Variants in ANKFY1 observed in about 807,000 individuals in gnomAD.
ANKFY1 encodes ankyrin repeat and FYVE domain containing 1, also known as ankyrin repeat and FYVE domain-containing protein 1.
In ANKFY1, 47 loss-of-function variants were observed where a neutral mutation model predicts 128.3. The ratio of observed to expected loss-of-function variants is 0.37; its 90% confidence interval spans 0.29 to 0.47. The LOEUF is 0.47. Among genes scored for constraint, ANKFY1 ranks in the 20% least tolerant of loss-of-function variants. The pLI is 1.00. For missense variants in ANKFY1, 1,222 were observed against 1,510.6 expected, an observed-to-expected ratio of 0.81 and a Z score of 3.17; for synonymous variants, 553 against 601.6, an observed-to-expected ratio of 0.92 and a Z score of 1.18.
chr17:4,207,520 G>A (rs1041758051), intron 6 of ANKFY1, among the ~76,000 whole-genome samples: 1 of 152,174 alleles, frequency 6.6e-6, no homozygotes. Context: ...AGCACAGCCT[G>A]CCGACATCCT....
At chr17:4,237,409 GAAC>G (rs1966960007) in intron 2 of ANKFY1, among the ~76,000 whole-genome samples, 1 of 152,086 alleles carries the variant, frequency 6.6e-6, no homozygotes, top group South Asian at 2.1e-4. Context: ...ATGCAAAACA[GAAC>G]ATCAAACTGT....
intron 1 of ANKFY1, among the ~76,000 whole-genome samples, chr17:4,258,771 A>G (rs571274152): frequency 6.6e-6 from 1 of 152,314 alleles, no homozygotes; most frequent in East Asian, 1.9e-4. Context: ...AAATTTAAGT[A>G]GCCACATGTG....
Position 4,194,979 on chromosome 17 carries a change from T to C in ANKFY1, c.1371A>G (p.Thr457=). 6.2e-7 allele frequency: 1 copy of C among 1,614,232 alleles called. No homozygotes were observed. Among genetic ancestry groups the C allele is most frequent in the Non-Finnish European group, 8.5e-7 (1 of 1,180,052 alleles). The change falls in exon 10 of 25, where the codon ACA becomes ACG. Residue 457 remains threonine, a splice_region_variant and synonymous_variant. Transcript: ENST00000341657. The part of the protein sequence containing the change: ...GSHTDAPDTA[T]GNCLLQRAAG... ...CCCTTCGGGAGGCACGTGCTTTACC[T>C]GTCGCCGTGTCAGGTGCGTCTGTGT...
chr17:4,189,952 T>C (rs546392804), intron 10 of ANKFY1, among the ~76,000 whole-genome samples: 3 of 152,268 alleles, frequency 2.0e-5, no homozygotes, highest in Non-Finnish European at 2.9e-5. Context: ...ATCCAATTCC[T>C]CCCTGGGATT....
intron 3 of ANKFY1, among the ~76,000 whole-genome samples, chr17:4,221,835 T>A (rs1273051186): frequency 1.3e-5 from 2 of 152,160 alleles, no homozygotes; most frequent in Non-Finnish European, 2.9e-5. Context: ...CAGGCTGGTC[T>A]GGAACTCCTG....
In ANKFY1 at chr17:4,167,897, C is replaced by T. The variant is rs763606938; in HGVS notation, c.3392G>A (p.Arg1131His). ...GGTCGAGCATTTATGGCAAAGAAGA[C>T]GTCCGCAGTGACGACTGTGGAAGCA... ...TRKHHCRHCG[R>H]LLCHKCSTKE... Residue 1131 changes from arginine (R) to histidine (H), a missense_variant, in exon 25 of 25, where the codon CGT (arginine) becomes CAT (histidine). Transcript: ENST00000341657. The surrounding 1 kb of genome is among the most constrained non-coding windows in gnomAD (Gnocchi z 4.1). 1 of 1,613,464 alleles carries T rather than the reference C, an allele frequency of 6.2e-7. No individual in the cohort carries two copies. The highest frequency in any genetic ancestry group is 8.5e-7 in the Non-Finnish European group (1 of 1,179,662).
chr17:4,251,191 A>G (rs1198410885), intron 1 of ANKFY1, among the ~76,000 whole-genome samples: 1 of 152,244 alleles, frequency 6.6e-6, no homozygotes, highest in Non-Finnish European at 1.5e-5. Flanking sequence ...CAATGGGACC[A>G]GAACAATTGG....
In ANKFY1 at chr17:4,173,351, C is replaced by T. The variant is rs779389097; in HGVS notation, c.3014+3G>A. 2 of 1,613,990 alleles carry T rather than the reference C, an allele frequency of 1.2e-6. No individual in the cohort carries two copies. The highest frequency in any genetic ancestry group is 1.1e-5 in the South Asian group (1 of 91,070). On this transcript the variant is annotated splice_donor_region_variant and intron_variant, in intron 21 of 24. Transcript: ENST00000341657. ...GGGGCCTACTCGGGCCCAACGCGCT[C>T]ACCTGAGATTAAAGGCTTCGGCGTC...
Position 4,165,300 on chromosome 17 carries a change from A to G in ANKFY1, c.*2479T>C, listed in dbSNP as rs1193643650. 6.6e-6 allele frequency: 1 copy of G among 152,248 alleles called. No individual in the cohort carries two copies. The highest frequency in any genetic ancestry group is 2.4e-5 in the African/African-American group (1 of 41,466). The allele number at this position is 152,248 out of a possible 1,614,324, so 9.4% of individuals were successfully genotyped here. The stretch of plus-strand genomic sequence containing the variant: ...CTGTTGCAGCAAATTATGTTTCAGT[A>G]AAGTTTACTTTTCCTGCTCTACTCA... On this transcript the variant is annotated 3_prime_UTR_variant, in exon 25 of 25. Coordinates refer to ENST00000341657, the MANE Select transcript of ANKFY1 (RefSeq NM_001330063.2).
rs1291576428 is a variant in ANKFY1 at position 4,183,848 on chromosome 17, G to T, written c.1762C>A (p.Arg588=). Residue 588 remains arginine (R), a synonymous_variant, in exon 13 of 25, where the codon CGA becomes AGA. Transcript: ENST00000341657. ...GCCAGGCCCAGCACAGTCTGGTCTC[G>T]GGAATCTTTGAGGCTGAAGTCCGGA... ...IIPDFSLKDS[R]DQTVLGLALW... The T allele has an allele frequency of 6.2e-7, 1 of 1,613,786 alleles. No homozygotes were observed. Among genetic ancestry groups the T allele is most frequent in the Non-Finnish European group, 8.5e-7 (1 of 1,179,806 alleles).
intron 17 of ANKFY1, chr17:4,179,390 G>C (rs2059468245): frequency 7.7e-6 from 4 of 517,534 alleles, no homozygotes; most frequent in Non-Finnish European, 1.4e-5. Flanking sequence ...AAGCATCAAA[G>C]GGCGTAACTC....
At chr17:4,192,585 T>G (rs1026423387) in intron 10 of ANKFY1, among the ~76,000 whole-genome samples, 2 of 150,884 alleles carry the variant, frequency 1.3e-5, no homozygotes, top group African/African-American at 4.8e-5. Context: ...ATCTGGAGAC[T>G]CCTAGTTGAT....
chr17:4,238,152 TAAAAAAAAAA>T (rs55944256), intron 2 of ANKFY1, among the ~76,000 whole-genome samples: 3 of 92,694 alleles, frequency 3.2e-5, no homozygotes, highest in African/African-American at 7.9e-5. Flanking sequence ...CTTATTTATT[TAAAAAAAAAA>T]AAAAAAAAAA....
Position 4,258,207 on chromosome 17 carries a change from A to G in ANKFY1, c.10+5725T>C, listed in dbSNP as rs534747455. 3.3e-5 allele frequency among the ~76,000 whole-genome samples: 5 copies of G among 152,342 alleles called. No individual in the cohort carries two copies. In the East Asian group the frequency reaches 7.7e-4, roughly 24 times the overall value. Reference sequence around the variant, plus strand: ...ATCAATGACCTGGGACATTTGTTCAATAAGTAAAACAATAAACAGATAAAT... The same window carrying G: ...ATCAATGACCTGGGACATTTGTTCAGTAAGTAAAACAATAAACAGATAAAT... On this transcript the variant is annotated intron_variant, in intron 1 of 24. Coordinates refer to ENST00000341657, the MANE Select transcript of ANKFY1 (RefSeq NM_001330063.2).
At chr17:4,209,667 A>T (rs2060091620) in intron 5 of ANKFY1, among the ~76,000 whole-genome samples, 157 bp downstream of exon 5, 1 of 152,230 alleles carries the variant, frequency 6.6e-6, no homozygotes, top group Non-Finnish European at 1.5e-5. Flanking sequence ...AGTTGAAAAG[A>T]GTCTCATAGA....
chr17:4,184,609 T>C (rs771233761), intron 12 of ANKFY1, among the ~76,000 whole-genome samples: 3 of 152,106 alleles, frequency 2.0e-5, no homozygotes, highest in Non-Finnish European at 2.9e-5. Flanking sequence ...ACAAATGAAA[T>C]GGGCAGGCCC....
intron 4 of ANKFY1, among the ~76,000 whole-genome samples, chr17:4,211,395 C>CAA (rs71383533): frequency 3.8e-4 from 48 of 126,848 alleles, no homozygotes; most frequent in East Asian, 1.2e-3. Flanking sequence ...AGACTCGTCT[C>CAA]AAAAAAAAAA....
At chr17:4,242,768 T>C (rs2143393481) in intron 1 of ANKFY1, among the ~76,000 whole-genome samples, 1 of 152,328 alleles carries the variant, frequency 6.6e-6, no homozygotes, top group African/African-American at 2.4e-5. Flanking sequence ...TGGCTTTGTT[T>C]CAGGGTGCTG....
intron 3 of ANKFY1, among the ~76,000 whole-genome samples, chr17:4,226,721 C>T (rs1173056855): frequency 6.3e-5 from 9 of 142,388 alleles, no homozygotes; most frequent in African/African-American, 2.3e-4. Context: ...CCAGCCTGGG[C>T]GACACAACGA....
Sources: allele counts gnomAD v4.1 joint callset (sites outside exome capture counted in the v4.1 genomes callset), GRCh38; gene constraint gnomAD v4.1.1; non-coding constraint Gnocchi (gnomAD v3.1); transcripts MANE v1.5; gene names NCBI Gene and HGNC (gene_info 2026-07-23, HGNC 2026-07-21).